PFKFB3: variants seen among roughly 807,000 people sequenced by gnomAD.
PFKFB3 encodes 6-phosphofructo-2-kinase/fructose-2,6-bisphosphatase 3.
PFKFB3 carries 33 observed loss-of-function variants against 68.0 expected under a neutral mutation model. The ratio of observed to expected loss-of-function variants is 0.49; its 90% CI spans 0.37 to 0.65. PFKFB3 has a LOEUF of 0.65. PFKFB3 is among the 30% of genes least tolerant of loss of function. PFKFB3 has a pLI of 0.00. For synonymous variants in PFKFB3, 315 were observed against 288.2 expected (o/e 1.09, Z -0.94); for missense variants, 586 against 712.2 (o/e 0.82, Z 2.02).
At position 6,166,068 on chromosome 10, in the gene PFKFB3, C is replaced by A. The variant is rs369669235; in HGVS notation, c.16+21055C>A. Among the ~76,000 whole-genome samples the A allele has an allele frequency of 2.9e-4, 44 of 152,046 alleles. No homozygotes were observed. The East Asian group carries it at 7.5e-3, about 26-fold the overall frequency. On this transcript the variant is annotated intron_variant, in intron 1 of 14. Transcript: ENST00000379789. ...GATCCCGGCTCACTGCAACTTCCGC[C>A]TCCTGGGTTCAAGCGATTCTCCTGC...
chr10:6,168,236 C>T (rs1017784500), intron 1 of PFKFB3, among the ~76,000 whole-genome samples: 5 of 152,218 alleles, frequency 3.3e-5, no homozygotes, highest in Non-Finnish European at 5.9e-5. Flanking sequence ...GAATCCTCCA[C>T]TTTGCTCCCA....
In PFKFB3 at chr10:6,216,788, G is replaced by A. The variant is rs759683092; in HGVS notation, c.441+8G>A. 2.5e-6 allele frequency: 4 copies of A among 1,606,876 alleles called. No individual in the cohort carries two copies. Among genetic ancestry groups the A allele is most frequent in the Non-Finnish European group, 3.4e-6 (4 of 1,173,406 alleles). ...AAAGAAAATGACTTTAAGGTGAGCT[G>A]AGCGTCTTGTGTTGTGCTAGAGGGC... On this transcript the variant is annotated splice_region_variant and intron_variant, in intron 5 of 14. Coordinates refer to ENST00000379775, the MANE Select transcript of PFKFB3 (RefSeq NM_004566.4).
downstream of PFKFB3, among the ~76,000 whole-genome samples, chr10:6,256,230 T>C (rs1034934087): frequency 6.6e-6 from 1 of 152,318 alleles, no homozygotes; most frequent in African/African-American, 2.4e-5. Context: ...ATCTCCTTTC[T>C]TGGGTGGCTT....
At chr10:6,238,804 G>T (rs1354253110), downstream of PFKFB3, among the ~76,000 whole-genome samples, 1 of 152,104 alleles carries the variant, frequency 6.6e-6, no homozygotes, top group Non-Finnish European at 1.5e-5. Flanking sequence ...CCACTTAAAT[G>T]TAAGAACATG....
chr10:6,217,029 G>A, intron 5 of PFKFB3, 106 bp from the exon 6 acceptor site: 1 of 1,133,052 alleles, frequency 8.8e-7, no homozygotes, highest in South Asian at 1.3e-5. Flanking sequence ...TTTGGGAGTT[G>A]GTGGGTGGCG....
At chr10:6,308,643 TC>T in the PFKFB3 span, among the ~76,000 whole-genome samples, 1 of 142,490 alleles carries the variant, frequency 7.0e-6, no homozygotes, top group African/African-American at 2.6e-5. Flanking sequence ...AGGCATGTTC[TC>T]TTTTAAAAAA....
rs896154560 is a variant in PFKFB3 at position 6,228,981 on chromosome 10, G to A, written c.1515+2616G>A. ...CTCTGGGATCCCTTCCCCACCAGGAGCAGAGGCCTTCCTGCCACAGAACTT... is the reference window on the plus strand; with the variant it reads ...CTCTGGGATCCCTTCCCCACCAGGAACAGAGGCCTTCCTGCCACAGAACTT... On this transcript the variant is annotated intron_variant, in intron 14 of 14. Coordinates refer to ENST00000379775, the MANE Select transcript of PFKFB3 (RefSeq NM_004566.4). The surrounding 1 kb of genome is among the most constrained non-coding windows in gnomAD (Gnocchi z 4.5). 7.0e-6 allele frequency: 3 copies of A among 430,910 alleles called. No individual in the cohort carries two copies. Among genetic ancestry groups the A allele is most frequent in the Non-Finnish European group, 1.5e-5 (3 of 204,496 alleles). 26.7% of individuals were successfully genotyped at this position (430,910 alleles called of 1,614,324 possible).
chr10:6,149,656 AC>A, intron 1 of PFKFB3: 1 of 154,518 alleles, frequency 6.5e-6, no homozygotes. Flanking sequence ...GACATCTGTC[AC>A]CCCAGTAATC....
the PFKFB3 span, among the ~76,000 whole-genome samples, chr10:6,287,375 C>T: frequency 6.6e-6 from 1 of 152,172 alleles, no homozygotes; most frequent in Non-Finnish European, 1.5e-5. Context: ...CAGGCACGAG[C>T]CACTGAACCT....
Position 6,223,995 on chromosome 10 carries a change from C to G in PFKFB3, c.1251C>G (p.Val417=), listed in dbSNP as rs901602635. 6.2e-7 allele frequency: 1 copy of G among 1,614,096 alleles called. No homozygotes were observed. The highest frequency in any genetic ancestry group is 8.5e-7 in the Non-Finnish European group (1 of 1,180,036). The change falls in exon 12 of 15, where the codon GTC becomes GTG. Residue 417 remains valine, a synonymous_variant. Coordinates refer to ENST00000379775, the MANE Select transcript of PFKFB3 (RefSeq NM_004566.4). The part of the protein sequence containing the change: ...MPYLKCPLHT[V]LKLTPVAYGC... Reference sequence around the variant, plus strand: ...ACCTGAAATGCCCTCTTCACACCGTCCTGAAACTGACGCCTGTCGCTTATG... The same window carrying G: ...ACCTGAAATGCCCTCTTCACACCGTGCTGAAACTGACGCCTGTCGCTTATG...
In PFKFB3 at chr10:6,220,586, C is replaced by T. The variant is rs1043471572; in HGVS notation, c.624-72C>T. On this transcript the variant is annotated intron_variant, in intron 7 of 14. Transcript: ENST00000379775. This position sits in a 1 kb window ranked among gnomAD's most constrained non-coding sequence, Gnocchi z 4.1. ...TGCTGTTCTCTGGGGATCACATCTTCGGAGACGGGCCAGGTGCATCCTGCT... is the reference window on the plus strand; with the variant it reads ...TGCTGTTCTCTGGGGATCACATCTTTGGAGACGGGCCAGGTGCATCCTGCT... 98 of 1,392,930 alleles carry T rather than the reference C, an allele frequency of 7.0e-5. No homozygotes were observed. Among genetic ancestry groups the T allele is most frequent in the African/African-American group, 1.3e-4 (9 of 70,750 alleles). The allele number at this position is 1,392,930 out of a possible 1,614,324, so 86.3% of individuals were successfully genotyped here.
At chr10:6,176,032 C>A (rs1387252781) in intron 1 of PFKFB3, among the ~76,000 whole-genome samples, 1 of 152,230 alleles carries the variant, frequency 6.6e-6, no homozygotes, top group Non-Finnish European at 1.5e-5. Context: ...ACTGCGGCAC[C>A]CCAACGGGTG....
intron 1 of PFKFB3, among the ~76,000 whole-genome samples, chr10:6,178,753 A>AC (rs1376976209): frequency 1.3e-5 from 2 of 152,196 alleles, no homozygotes; most frequent in African/African-American, 2.4e-5. Context: ...TGCAGCACGG[A>AC]CTGGGGGGGA....
At chr10:6,248,549 A>T (rs538459699) in intron 14 of PFKFB3, among the ~76,000 whole-genome samples, 1 of 148,222 alleles carries the variant, frequency 6.7e-6, no homozygotes, top group Non-Finnish European at 1.5e-5. Context: ...GAATCACTTG[A>T]ACCTGGGAGG....
At chr10:6,152,803 C>A (rs984451566) in intron 1 of PFKFB3, among the ~76,000 whole-genome samples, 1 of 152,204 alleles carries the variant, frequency 6.6e-6, no homozygotes, top group African/African-American at 2.4e-5. Context: ...ATTGCCTGAG[C>A]CTGGGAAGTT....
intron 1 of PFKFB3, among the ~76,000 whole-genome samples, chr10:6,169,728 A>G (rs192336395): frequency 2.8e-3 from 427 of 152,278 alleles, no homozygotes; most frequent in African/African-American, 9.5e-3. Flanking sequence ...AACTCTCTAA[A>G]TGTTTATGTC....
chr10:6,293,816 T>G, the PFKFB3 span: 1 of 406,766 alleles, frequency 2.5e-6, no homozygotes, highest in Non-Finnish European at 5.0e-6. Context: ...TTTTCACCAT[T>G]GATTTGGAGT....
chr10:6,250,727 G>A (rs1846362853), intron 14 of PFKFB3, among the ~76,000 whole-genome samples: 1 of 152,150 alleles, frequency 6.6e-6, no homozygotes, highest in African/African-American at 2.4e-5. Context: ...GACACAGCAG[G>A]AAGGCCCTCA....
upstream of PFKFB3, chr10:6,202,874 C>G: frequency 1.9e-6 from 2 of 1,054,970 alleles, no homozygotes; most frequent in Non-Finnish European, 2.3e-6. Flanking sequence ...CCGAGGCTGA[C>G]GTACGCGTCT....
Sources: allele counts gnomAD v4.1 joint callset (sites outside exome capture counted in the v4.1 genomes callset), GRCh38; gene constraint gnomAD v4.1.1; non-coding constraint Gnocchi (gnomAD v3.1); transcripts MANE v1.5; gene names NCBI Gene and HGNC (gene_info 2026-07-23, HGNC 2026-07-21).